The following FAM151B variants were observed in gnomAD, a reference collection of about 807,000 sequenced individuals.
The protein encoded by FAM151B is family with sequence similarity 151 member B, also known as protein FAM151B.
A neutral mutation model predicts 31.2 loss-of-function variants in FAM151B; 24 were observed. That is an observed-to-expected ratio of 0.77 (90% confidence interval 0.56 to 1.08). The LOEUF (loss-of-function observed/expected upper bound fraction) is 1.08. Ranked by LOEUF, FAM151B falls within the 50% of genes least tolerant of loss-of-function variation. The probability of loss-of-function intolerance (pLI) is 0.00; values close to 1 mark genes in which losing one functional copy is unlikely to be tolerated. For missense variants in FAM151B, 293 were observed against 328.6 expected (o/e 0.89, Z 0.84); for synonymous variants, 105 against 111.4 (o/e 0.94, Z 0.36).
In FAM151B at chr5:80,498,231, A is replaced by G. The variant is rs185259796; in HGVS notation, c.26-3561A>G. On this transcript the variant is annotated intron_variant, in intron 1 of 5. Transcript: ENST00000282226. Reference sequence around the variant, plus strand: ...GGCCATGTGTTGCCATCTCAGTATGAAAGGTCTATGACTCTATTATATATG... The same window carrying G: ...GGCCATGTGTTGCCATCTCAGTATGGAAGGTCTATGACTCTATTATATATG... Among the ~76,000 whole-genome samples the G allele has an allele frequency of 4.5e-3, 683 of 152,338 alleles. 28 individuals carry two copies. Among genetic ancestry groups the G allele is most frequent in the Admixed American group, 0.04 (608 of 15,302 alleles).
intron 1 of FAM151B, among the ~76,000 whole-genome samples, chr5:80,496,983 G>T (rs1339870737): frequency 2.0e-5 from 3 of 151,532 alleles, no homozygotes; most frequent in African/African-American, 7.3e-5. Context: ...GCTAATTTTT[G>T]TATTTCTAGT....
chr5:80,533,238 G>A (rs941998182), intron 5 of FAM151B, among the ~76,000 whole-genome samples: 32 of 152,008 alleles, frequency 2.1e-4, no homozygotes, highest in African/African-American at 6.8e-4. Context: ...ATAGCCGGGC[G>A]TGGTGGCGGG....
At chr5:80,500,929 T>G in intron 1 of FAM151B, 1 of 745,522 alleles carries the variant, frequency 1.3e-6, no homozygotes, top group African/African-American at 1.7e-5. Context: ...TGGAAAACAC[T>G]TCAAAGAAGC....
chr5:80,534,816 T>C (rs1745417871), intron 5 of FAM151B, among the ~76,000 whole-genome samples: 1 of 152,188 alleles, frequency 6.6e-6, no homozygotes, highest in Admixed American at 6.5e-5. Flanking sequence ...AGAAGTCAAA[T>C]TATCCTTGTT....
intron 5 of FAM151B, among the ~76,000 whole-genome samples, chr5:80,527,465 G>A (rs1580448777): frequency 6.6e-6 from 1 of 151,728 alleles, no homozygotes; most frequent in African/African-American, 2.4e-5. Flanking sequence ...TTTTGTCATT[G>A]TGTGAACATC....
intron 5 of FAM151B, among the ~76,000 whole-genome samples, chr5:80,529,500 TAAAG>T (rs1285382590): frequency 1.3e-5 from 2 of 151,318 alleles, no homozygotes; most frequent in Non-Finnish European, 2.9e-5. Flanking sequence ...GCAAGACTAA[TAAAG>T]AAGAAAAGAG....
chr5:80,492,418 T>C (rs1743366726), intron 1 of FAM151B, among the ~76,000 whole-genome samples: 1 of 152,230 alleles, frequency 6.6e-6, no homozygotes, highest in Admixed American at 6.5e-5. Flanking sequence ...ATGTGGTGTG[T>C]GAGCCTTGCT....
At chr5:80,537,077 G>C (rs1745549206) in intron 5 of FAM151B, among the ~76,000 whole-genome samples, 1 of 152,208 alleles carries the variant, frequency 6.6e-6, no homozygotes, top group African/African-American at 2.4e-5. Context: ...AAATACCCGA[G>C]GGGTGGGAAC....
intron 1 of FAM151B, among the ~76,000 whole-genome samples, chr5:80,493,413 C>G (rs189329547): frequency 1.3e-5 from 2 of 149,398 alleles, no homozygotes; most frequent in Non-Finnish European, 2.9e-5. Context: ...TAAAAAAGAA[C>G]AGAATAACAG....
intron 1 of FAM151B, chr5:80,501,179 A>T (rs62365354): frequency 3.0e-6 from 1 of 331,732 alleles, no homozygotes; most frequent in Non-Finnish European, 5.6e-6. Flanking sequence ...ACACCTGGCT[A>T]ATTTTTTTTT....
intron 2 of FAM151B, 85 bp from the exon 3 acceptor site, chr5:80,513,519 C>A: frequency 7.7e-7 from 1 of 1,302,248 alleles, no homozygotes; most frequent in Non-Finnish European, 1.0e-6. Context: ...TTTTTATCTT[C>A]CTCAAAAGGA....
At position 80,519,692 on chromosome 5, in the gene FAM151B, G is replaced by A; in HGVS notation, c.318-1G>A. 1 of 1,611,510 alleles carries A rather than the reference G, an allele frequency of 6.2e-7. No homozygotes were observed. Among genetic ancestry groups the A allele is most frequent in the Non-Finnish European group, 8.5e-7 (1 of 1,178,752 alleles). On this transcript the variant is annotated splice_acceptor_variant, in intron 3 of 5. Transcript: ENST00000282226. LOFTEE classifies it high-confidence loss of function. ...TCATTGACAACAAATTATGTTTTTA[G>A]TCTGGCAGTTGTAGAACCATCCATG...
At chr5:80,526,956 C>A (rs1745000376) in intron 5 of FAM151B, among the ~76,000 whole-genome samples, 1 of 152,134 alleles carries the variant, frequency 6.6e-6, no homozygotes, top group Non-Finnish European at 1.5e-5. Flanking sequence ...AATTATCTAG[C>A]TGAAATTTCA....
chr5:80,491,001 T>C (rs974436511), intron 1 of FAM151B, among the ~76,000 whole-genome samples: 1 of 152,182 alleles, frequency 6.6e-6, no homozygotes, highest in Non-Finnish European at 1.5e-5. Flanking sequence ...AATAGCAAAC[T>C]TTCTTTTTTA....
At chr5:80,515,201 C>T (rs573222208) in intron 3 of FAM151B, among the ~76,000 whole-genome samples, 30 of 151,870 alleles carry the variant, frequency 2.0e-4, no homozygotes, top group Non-Finnish European at 4.1e-4. Context: ...GATTGCGCCA[C>T]GGCACTCCAG....
chr5:80,527,888 T>C (rs1745043475), intron 5 of FAM151B, among the ~76,000 whole-genome samples: 1 of 152,210 alleles, frequency 6.6e-6, no homozygotes, highest in Non-Finnish European at 1.5e-5. Flanking sequence ...ATTTTTACTT[T>C]ATAAGCTTTT....
At chr5:80,500,189 T>C in intron 1 of FAM151B, 1 of 480,242 alleles carries the variant, frequency 2.1e-6, no homozygotes. Flanking sequence ...ATATGTGGAA[T>C]AAAAAAAAAT....
chr5:80,535,011 A>G (rs1478513627), intron 5 of FAM151B, among the ~76,000 whole-genome samples: 1 of 152,200 alleles, frequency 6.6e-6, no homozygotes, highest in Non-Finnish European at 1.5e-5. Context: ...TAGAATAGCC[A>G]CAATTAAAAT....
intron 1 of FAM151B, chr5:80,500,411 C>A (rs1448017662): frequency 3.2e-6 from 4 of 1,232,986 alleles, no homozygotes; most frequent in Middle Eastern, 2.4e-4. Flanking sequence ...TTTCGCAGAG[C>A]TGAAGATCAA....
Sources: allele counts gnomAD v4.1 joint callset (sites outside exome capture counted in the v4.1 genomes callset), GRCh38; gene constraint gnomAD v4.1.1; transcripts MANE v1.5; gene names NCBI Gene and HGNC (gene_info 2026-07-23, HGNC 2026-07-21).